The following CISD3 variants were observed in gnomAD, a reference collection of about 807,000 sequenced individuals.
CISD3 encodes the protein CDGSH iron sulfur domain 3.
Under a neutral mutation model 14.1 loss-of-function variants are expected in CISD3, and 11 were observed. The observed-to-expected ratio is 0.78, with a 90% confidence interval of 0.49 to 1.29. CISD3 has a LOEUF of 1.29. Ranked by LOEUF, CISD3 falls within the 50% of genes most tolerant of loss-of-function variation. CISD3 has a pLI of 0.00. For synonymous variants in CISD3, 53 were observed against 69.2 expected (o/e 0.77, Z 1.16); for missense variants, 156 against 171.6 (o/e 0.91, Z 0.51).
chr17:38,730,427 C>A (rs1906278313), intron 1 of CISD3, 21 bp downstream of exon 1: 8 of 1,301,248 alleles, frequency 6.1e-6, no homozygotes, highest in Non-Finnish European at 7.8e-6. Flanking sequence ...CCGCCCTGCA[C>A]CAGCCCCCGT....
At chr17:38,732,314 C>T (rs1567935850) in intron 3 of CISD3, among the ~76,000 whole-genome samples, 1 of 152,220 alleles carries the variant, frequency 6.6e-6, no homozygotes, top group Non-Finnish European at 1.5e-5. Flanking sequence ...CATCTCCTTT[C>T]CATCCCACCC....
chr17:38,730,685 C>T, intron 1 of CISD3, 75 bp from the exon 2 acceptor site: 1 of 1,460,434 alleles, frequency 6.8e-7, no homozygotes, highest in Non-Finnish European at 9.4e-7. Context: ...CCGTGTCCTT[C>T]CCTTTCCACT....
At chr17:38,732,634 C>T (rs1303303309) in intron 3 of CISD3, among the ~76,000 whole-genome samples, 3 of 150,032 alleles carry the variant, frequency 2.0e-5, no homozygotes, top group African/African-American at 4.9e-5. Flanking sequence ...GAGACCCTGT[C>T]AAAAAAAAAG....
In CISD3 at chr17:38,733,546, CAA is replaced by C; in HGVS notation, c.*92_*93del. ...TGGGAAAGGAAACAGGTGCTGAGCCCAAGAGACTCTGGTACCCACTGCTGGCT... is the reference window on the plus strand; with the variant it reads ...TGGGAAAGGAAACAGGTGCTGAGCCCGAGACTCTGGTACCCACTGCTGGCT... On this transcript the variant is annotated 3_prime_UTR_variant, in exon 4 of 4. Coordinates refer to ENST00000613478, the MANE Select transcript of CISD3 (RefSeq NM_001136498.2). 1 of 1,279,498 alleles carries C rather than the reference CAA, an allele frequency of 7.8e-7. No homozygotes were observed. Among genetic ancestry groups the C allele is most frequent in the Non-Finnish European group, 1.0e-6 (1 of 953,474 alleles). 79.3% of individuals were successfully genotyped at this position (1,279,498 alleles called of 1,614,324 possible).
intron 1 of CISD3, 54 bp downstream of exon 1, chr17:38,730,460 G>A: frequency 8.2e-7 from 1 of 1,215,748 alleles, no homozygotes; most frequent in South Asian, 1.9e-5. Context: ...CCGGGCCCCT[G>A]CCAGCCCCCA....
chr17:38,730,896 T>A, intron 2 of CISD3, 101 bp downstream of exon 2: 2 of 1,216,502 alleles, frequency 1.6e-6, no homozygotes, highest in South Asian at 2.7e-5. Context: ...TACAGGCCTA[T>A]TCCCTGGAGT....
chr17:38,731,044 C>G (rs1398075920), intron 2 of CISD3: 1 of 632,696 alleles, frequency 1.6e-6, no homozygotes, highest in Non-Finnish European at 2.7e-6. Flanking sequence ...AGGATCCCAG[C>G]CCGCCTTCCC....
Position 38,733,386 on chromosome 17 carries a change from G to T in CISD3, c.315G>T (p.Arg105Ser), listed in dbSNP as rs1353687081. 1.3e-6 allele frequency: 2 copies of T among 1,551,522 alleles called. No homozygotes were observed. Among genetic ancestry groups the T allele is most frequent in the Non-Finnish European group, 1.7e-6 (2 of 1,146,972 alleles). The change falls in exon 4 of 4, where the codon AGG (arginine) becomes AGT (serine). Residue 105 changes from arginine (R) to serine (S), a missense_variant. By Grantham distance (110) the Arg-to-Ser change is moderately radical. Coordinates refer to ENST00000613478, the MANE Select transcript of CISD3 (RefSeq NM_001136498.2). ...TCTGTACCTGCAAGGCCACTCAGAG[G>T]CCCCCGTACTGCGATGGCACCCACA... ...VALCTCKATQ[R>S]PPYCDGTHRS...
chr17:38,735,476 T>A lies in CISD3; in HGVS notation c.*2021T>A. 1 of 1,592,358 alleles carries A rather than the reference T, an allele frequency of 6.3e-7. No homozygotes were observed. Among genetic ancestry groups the A allele is most frequent in the Non-Finnish European group, 8.5e-7 (1 of 1,169,608 alleles). On this transcript the variant is annotated 3_prime_UTR_variant, in exon 4 of 4. Coordinates refer to ENST00000613478, the MANE Select transcript of CISD3 (RefSeq NM_001136498.2). ...CAGGGTGGCAGGGCTGGGAGCCTTG[T>A]CGCTGACTGACTCACACTCGGACGC...
Position 38,733,447 on chromosome 17 carries a change from C to T in CISD3, c.376C>T (p.Pro126Ser), listed in dbSNP as rs989690730. Reference sequence around the variant, plus strand: ...CGTGCAGAAGGCAGAAGTGGGCTCCCCACTCTGAGGGGGCTGCTGCTGTCC... The same window carrying T: ...CGTGCAGAAGGCAGAAGTGGGCTCCTCACTCTGAGGGGGCTGCTGCTGTCC... The part of the protein sequence containing the change: ...ERVQKAEVGS[P>S]L Residue 126 changes from proline (P) to serine (S), a missense_variant, in exon 4 of 4, where the codon CCA becomes TCA. Pro to Ser is a moderately conservative substitution (Grantham distance 74). Coordinates refer to ENST00000613478, the MANE Select transcript of CISD3 (RefSeq NM_001136498.2). 10 of 1,532,722 alleles carry T rather than the reference C, an allele frequency of 6.5e-6. No homozygotes were observed. Among genetic ancestry groups the T allele is most frequent in the Non-Finnish European group, 8.8e-6 (10 of 1,134,760 alleles). The allele number at this position is 1,532,722 out of a possible 1,614,324, so 94.9% of individuals were successfully genotyped here.
chr17:38,733,544 C>A lies in CISD3; in HGVS notation c.*89C>A. The A allele has an allele frequency of 7.8e-7, 1 of 1,286,770 alleles. No individual in the cohort carries two copies. The highest frequency in any genetic ancestry group is 1.0e-6 in the Non-Finnish European group (1 of 959,798). 79.7% of individuals were successfully genotyped at this position (1,286,770 alleles called of 1,614,324 possible). A position where few individuals can be genotyped will look rare whatever the true frequency, so the allele number is the denominator to read the frequency against. ...TGTGGGAAAGGAAACAGGTGCTGAG[C>A]CCAAGAGACTCTGGTACCCACTGCT... is the stretch of plus-strand genomic sequence containing the variant. On this transcript the variant is annotated 3_prime_UTR_variant, in exon 4 of 4. Transcript: ENST00000613478.
At chr17:38,731,267 G>A (rs1299656940) in intron 2 of CISD3, 53 bp from the exon 3 acceptor site, 1 of 1,540,340 alleles carries the variant, frequency 6.5e-7, no homozygotes, top group Non-Finnish European at 8.8e-7. Context: ...CAGGCCGGAC[G>A]GTGCTTCCAG....
At chr17:38,732,726 C>T (rs963857176) in intron 3 of CISD3, among the ~76,000 whole-genome samples, 2 of 152,184 alleles carry the variant, frequency 1.3e-5, no homozygotes, top group African/African-American at 4.8e-5. Context: ...TCTGCTTGAG[C>T]GGCTTCTGGG....
chr17:38,730,693 A>G (rs1906291276), intron 1 of CISD3, 67 bp from the exon 2 acceptor site: 1 of 1,499,966 alleles, frequency 6.7e-7, no homozygotes, highest in Non-Finnish European at 9.1e-7. Flanking sequence ...TTCCCTTTCC[A>G]CTGATTTTAT....
intron 1 of CISD3, 163 bp from the exon 2 acceptor site, chr17:38,730,597 T>C: frequency 1.2e-6 from 1 of 855,970 alleles, no homozygotes; most frequent in Non-Finnish European, 1.9e-6. Context: ...CAGCACCTTC[T>C]CTTGCGACCT....
At position 38,735,121 on chromosome 17, in the gene CISD3, G is replaced by A; in HGVS notation, c.*1666G>A. On this transcript the variant is annotated 3_prime_UTR_variant, in exon 4 of 4. Transcript: ENST00000613478. Reference sequence around the variant, plus strand: ...TATAAAACCCGCCCCCCACCCCCAAGGTGGGAAGAGCTGGGGAAAGTAGAA... The same window carrying A: ...TATAAAACCCGCCCCCCACCCCCAAAGTGGGAAGAGCTGGGGAAAGTAGAA... 1.1e-6 allele frequency: 1 copy of A among 935,842 alleles called. No individual in the cohort carries two copies. Among genetic ancestry groups the A allele is most frequent in the Non-Finnish European group, 1.4e-6 (1 of 692,276 alleles). The allele number at this position is 935,842 out of a possible 1,614,324, so 58.0% of individuals were successfully genotyped here.
In CISD3 at chr17:38,731,377, A is replaced by G. The variant is rs765391999; in HGVS notation, c.142A>G (p.Lys48Glu). The change falls in exon 3 of 4, where the codon AAG becomes GAG. Residue 48 changes from lysine (K) to glutamate (E), a missense_variant. Physicochemically the swap from Lys to Glu is moderately conservative, Grantham distance 56. Transcript: ENST00000613478. ...CGTGGTGGCCCTGAAGACCCCCATC[A>G]AGGTGGAGCTGGTGGCAGGGAAAAC... The part of the protein sequence containing the change: ...RSVVALKTPI[K>E]VELVAGKTYR... The G allele has an allele frequency of 7.1e-6, 11 of 1,551,610 alleles. No homozygotes were observed. Among genetic ancestry groups the G allele is most frequent in the Non-Finnish European group, 9.6e-6 (11 of 1,146,954 alleles).
Position 38,731,326 on chromosome 17 carries a change from T to TA in CISD3, c.91_92insA (p.Trp31Ter). 6.4e-7 allele frequency: 1 copy of TA among 1,551,294 alleles called. No homozygotes were observed. The highest frequency in any genetic ancestry group is 8.7e-7 in the Non-Finnish European group (1 of 1,146,928). The part of the protein sequence containing the change: ...RRDISSWLAQ[W>*]FPRTPARSVV... ...TCATCTTCCCTGGCCACAGGCCCAGTGGTTCCCTAGAACCCCAGCCAGGTC... is the reference window on the plus strand; with the variant it reads ...TCATCTTCCCTGGCCACAGGCCCAGTAGGTTCCCTAGAACCCCAGCCAGGTC... Residue 31 changes from tryptophan (W) to a stop codon, truncating the protein, a stop_gained and frameshift_variant, in exon 3 of 4, where the codon TGG (tryptophan) becomes TAGG (stop). Coordinates refer to ENST00000613478, the MANE Select transcript of CISD3 (RefSeq NM_001136498.2). LOFTEE classifies it high-confidence loss of function.
intron 2 of CISD3, 21 bp downstream of exon 2, chr17:38,730,816 C>G (rs922816494): frequency 1.3e-6 from 2 of 1,550,510 alleles, no homozygotes; most frequent in East Asian, 2.4e-5. Context: ...CCATCCTCCC[C>G]TCCTCCTCGC....
Sources: allele counts gnomAD v4.1 joint callset (sites outside exome capture counted in the v4.1 genomes callset), GRCh38; gene constraint gnomAD v4.1.1; transcripts MANE v1.5; gene names NCBI Gene and HGNC (gene_info 2026-07-23, HGNC 2026-07-21).